DNHD1: variants seen among roughly 807,000 people sequenced by gnomAD.
DNHD1 encodes the protein dynein heavy chain domain 1, also known as dynein heavy chain domain-containing protein 1.
Under a neutral mutation model 458.1 loss-of-function variants are expected in DNHD1, and 383 were observed. The observed-to-expected ratio is 0.84, with a 90% CI of 0.77 to 0.91. The LOEUF (loss-of-function observed/expected upper bound fraction) is 0.91. DNHD1 is among the 40% of genes least tolerant of loss of function. The pLI is 0.00. For synonymous variants in DNHD1, 2,203 were observed against 2,376.9 expected (o/e 0.93, Z 2.13); for missense variants, 5,336 against 5,866.1 (o/e 0.91, Z 2.95).
intron 30 of DNHD1, 59 bp from the exon 31 acceptor site, chr11:6,563,634 T>C: frequency 6.5e-7 from 1 of 1,545,738 alleles, no homozygotes; most frequent in Non-Finnish European, 8.7e-7. Context: ...GGCTAAACTG[T>C]TGGGTCAAGG....
rs753163777 is a variant in DNHD1 at position 6,571,052 on chromosome 11, C to T, written c.13540C>T (p.Pro4514Ser). 7 of 1,577,294 alleles carry T rather than the reference C, an allele frequency of 4.4e-6. No homozygotes were observed. In the South Asian group the frequency reaches 4.6e-5, roughly 10 times the overall value. ...CCTGTTGCAGCAGCTGAAGGGCGCA[C>T]CCCCGTGCCCCTCCCGCCGCTGTGC... ...DCLLQQLKGA[P>S]PCPSRRCAAV... Residue 4514 changes from proline (P) to serine (S), a missense_variant, in exon 42 of 43, where the codon CCC becomes TCC. Coordinates refer to ENST00000254579, the MANE Select transcript of DNHD1 (RefSeq NM_144666.3). This position sits in a 1 kb window ranked among gnomAD's most constrained non-coding sequence, Gnocchi z 5.0.
In DNHD1 at chr11:6,568,753, G is replaced by C; in HGVS notation, c.12750G>C (p.Gln4250His). 1 of 1,613,556 alleles carries C rather than the reference G, an allele frequency of 6.2e-7. No individual in the cohort carries two copies. The highest frequency in any genetic ancestry group is 1.1e-5 in the South Asian group (1 of 90,964). Residue 4250 changes from glutamine (Q) to histidine (H), a missense_variant, in exon 39 of 43, where the codon CAG becomes CAC. By Grantham distance (24) the Gln-to-His change is conservative. This residue lies in a region of DNHD1 where 698 missense variants were observed against 664.9 expected (regional missense o/e 1.05). Transcript: ENST00000254579. ...TGATTGACAGTGTGGAGCTAGCCCAGCAAGTACTCTACATGCAACCCCCCA... is the reference window on the plus strand; with the variant it reads ...TGATTGACAGTGTGGAGCTAGCCCACCAAGTACTCTACATGCAACCCCCCA... ...HVLIDSVELA[Q>H]QVLYMQPPTQ... is the part of the protein sequence containing the mutation.
chr11:6,544,376 GT>G (rs1853161895), intron 19 of DNHD1, 130 bp downstream of exon 19: 2 of 1,178,658 alleles, frequency 1.7e-6, no homozygotes. Flanking sequence ...CTTCAGGGCT[GT>G]TTCTTGGGAT....
In DNHD1 at chr11:6,564,681, A is replaced by T. The variant is rs1023373587; in HGVS notation, c.10633A>T (p.Thr3545Ser). Residue 3545 changes from threonine (T) to serine (S), a missense_variant, in exon 32 of 43, where the codon ACA (threonine) becomes TCA (serine). Around this residue, in one of 4 missense-constraint regions of DNHD1, gnomAD observed 3,932 missense variants for 4,365.6 expected, o/e 0.90. Transcript: ENST00000254579. ...HLAGLLLRSP[T>S]HYSSCRWPLL... Reference sequence around the variant, plus strand: ...GGCAGGCTTGCTTCTGCGAAGCCCCACACACTACAGTAGTTGCCGTTGGCC... The same window carrying T: ...GGCAGGCTTGCTTCTGCGAAGCCCCTCACACTACAGTAGTTGCCGTTGGCC... 6.4e-7 allele frequency: 1 copy of T among 1,551,672 alleles called. No homozygotes were observed.
chr11:6,539,346 G>T (rs763059778), intron 17 of DNHD1, 33 bp downstream of exon 17: 94 of 1,481,104 alleles, frequency 6.3e-5, no homozygotes, highest in Non-Finnish European at 8.2e-5. Flanking sequence ...GAGGGAGGTG[G>T]TCCAAAGCCA....
In DNHD1 at chr11:6,568,491, A is replaced by G; in HGVS notation, c.12576A>G (p.Gln4192=). ...TGGAATCAGAACAGCTTTTAGACCAACCTGAAAGCAGGAATGTAAGCACTG... is the reference window on the plus strand; with the variant it reads ...TGGAATCAGAACAGCTTTTAGACCAGCCTGAAAGCAGGAATGTAAGCACTG... ...ADLESEQLLD[Q]PESRNVSTVH... The change falls in exon 38 of 43, where the codon CAA becomes CAG. Residue 4192 remains glutamine, a synonymous_variant. Coordinates refer to ENST00000254579, the MANE Select transcript of DNHD1 (RefSeq NM_144666.3). 6.2e-7 allele frequency: 1 copy of G among 1,613,794 alleles called. No individual in the cohort carries two copies. The highest frequency in any genetic ancestry group is 8.5e-7 in the Non-Finnish European group (1 of 1,179,854).
In DNHD1 at chr11:6,509,901, A is replaced by G. The variant is rs533569833; in HGVS notation, c.1235+629A>G. On this transcript the variant is annotated intron_variant, in intron 6 of 42. Coordinates refer to ENST00000254579, the MANE Select transcript of DNHD1 (RefSeq NM_144666.3). Reference sequence around the variant, plus strand: ...GACATTAGGGAGCATGGGAACTGCAATCTGGAGACTGCATCTAAAGAGGAT... The same window carrying G: ...GACATTAGGGAGCATGGGAACTGCAGTCTGGAGACTGCATCTAAAGAGGAT... 2.0e-5 allele frequency among the ~76,000 whole-genome samples: 3 copies of G among 152,298 alleles called. No individual in the cohort carries two copies. The South Asian group carries it at 6.2e-4, about 32-fold the overall frequency.
chr11:6,545,133 T>C lies in DNHD1; in HGVS notation c.4194T>C (p.Ser1398=), dbSNP rs772593778. The C allele has an allele frequency of 6.4e-7, 1 of 1,552,184 alleles. No individual in the cohort carries two copies. Among genetic ancestry groups the C allele is most frequent in the South Asian group, 1.2e-5 (1 of 84,064 alleles). ...FPHVHAVSFR[S]CPTGEKNTDD... ...ATGTGCATGCTGTGAGCTTCAGGTC[T>C]TGCCCAACTGGTGAGAAAAACACAG... The change falls in exon 21 of 43, where the codon TCT becomes TCC. Residue 1398 remains serine, a synonymous_variant. Coordinates refer to ENST00000254579, the MANE Select transcript of DNHD1 (RefSeq NM_144666.3). The surrounding 1 kb of genome is among the most constrained non-coding windows in gnomAD (Gnocchi z 4.9).
intron 7 of DNHD1, among the ~76,000 whole-genome samples, chr11:6,517,793 T>C (rs1408177028): frequency 7.3e-5 from 11 of 151,082 alleles, no homozygotes. Flanking sequence ...TTTCAAAATA[T>C]GAATTTTGGA....
rs1352194777 is a variant in DNHD1, at chr11:6,538,556, A to G, written c.3126+46A>G. 6.4e-6 allele frequency: 10 copies of G among 1,551,372 alleles called. 1 individual carries two copies. The South Asian group carries it at 1.2e-4, about 18-fold the overall frequency. ...AGCTCTTGACTGGGAGTGGAGGACT[A>G]CAGTGGTGGGGGAGGGGAAGAGTCT... is the stretch of plus-strand genomic sequence containing the variant. On this transcript the variant is annotated intron_variant, in intron 15 of 42. Coordinates refer to ENST00000254579, the MANE Select transcript of DNHD1 (RefSeq NM_144666.3).
chr11:6,569,166 G>C (rs958328710), intron 39 of DNHD1, among the ~76,000 whole-genome samples: 2 of 152,144 alleles, frequency 1.3e-5, no homozygotes, highest in Admixed American at 6.5e-5. Flanking sequence ...GAGAAGTAAG[G>C]TTCATTATAA....
chr11:6,528,996 A>G lies in DNHD1; in HGVS notation c.2222A>G (p.Lys741Arg), dbSNP rs1852772587. 4 of 1,551,616 alleles carry G rather than the reference A, an allele frequency of 2.6e-6. No individual in the cohort carries two copies. Among genetic ancestry groups the G allele is most frequent in the African/African-American group, 1.4e-5 (1 of 73,170 alleles). The stretch of plus-strand genomic sequence containing the variant: ...GAAGACATGAGAGGTGGTCCCATCA[A>G]GAACTACGTGACGCTGGTGAGCCGC... Reference protein sequence around the residue: ...KLEDMRGGPIKNYVTLVSRLN... With the variant: ...KLEDMRGGPIRNYVTLVSRLN... Residue 741 changes from lysine to arginine, a missense_variant, in exon 12 of 43, where the codon AAG becomes AGG. By Grantham distance (26) the Lys-to-Arg change is conservative. Coordinates refer to ENST00000254579, the MANE Select transcript of DNHD1 (RefSeq NM_144666.3).
At chr11:6,540,112 A>G (rs1394412530) in intron 18 of DNHD1, 29 bp downstream of exon 18, 1 of 1,542,618 alleles carries the variant, frequency 6.5e-7, no homozygotes, top group East Asian at 2.5e-5. Context: ...GACCTAGTGA[A>G]AGCCCCCTGC....
chr11:6,559,606 C>T (rs1401320972), intron 28 of DNHD1, among the ~76,000 whole-genome samples: 1 of 152,230 alleles, frequency 6.6e-6, no homozygotes, highest in Non-Finnish European at 1.5e-5. Context: ...GCAGGCATTA[C>T]ATCTCAGTCA....
intron 24 of DNHD1, among the ~76,000 whole-genome samples, chr11:6,554,316 T>C (rs759873963): frequency 1.3e-5 from 2 of 152,066 alleles, no homozygotes; most frequent in Non-Finnish European, 2.9e-5. Context: ...CCTCAAAATC[T>C]AGATAAAAAT....
rs750066540 is a variant in DNHD1, at chr11:6,568,439, C to T, written c.12539-15C>T. The T allele has an allele frequency of 6.2e-7, 1 of 1,612,742 alleles. No individual in the cohort carries two copies. The highest frequency in any genetic ancestry group is 8.5e-7 in the Non-Finnish European group (1 of 1,179,892). ...TTTATCCAAGGACTGATCTCAGACCCTTGTCTGACTCTAGTGGTTGCAGAC... is the reference window on the plus strand; with the variant it reads ...TTTATCCAAGGACTGATCTCAGACCTTTGTCTGACTCTAGTGGTTGCAGAC... On this transcript the variant is annotated splice_polypyrimidine_tract_variant and intron_variant, in intron 37 of 42. Coordinates refer to ENST00000254579, the MANE Select transcript of DNHD1 (RefSeq NM_144666.3).
intron 16 of DNHD1, 101 bp downstream of exon 16, chr11:6,538,911 A>C (rs11040914): frequency 0.88 from 1,079,162 of 1,223,148 alleles, 477,435 homozygotes; most frequent in Admixed American, 0.91. Context: ...AACACCTTTC[A>C]TCCCCAAGTT....
chr11:6,500,783 T>C (rs567935391), intron 3 of DNHD1, among the ~76,000 whole-genome samples: 92 of 152,362 alleles, frequency 6.0e-4, no homozygotes, highest in Non-Finnish European at 8.8e-4. Flanking sequence ...ATCTGCAAGA[T>C]GCTAGGGATA....
At position 6,544,131 on chromosome 11, in the gene DNHD1, C is replaced by G; in HGVS notation, c.3639C>G (p.Asn1213Lys). 1 of 1,551,634 alleles carries G rather than the reference C, an allele frequency of 6.4e-7. No homozygotes were observed. The highest frequency in any genetic ancestry group is 8.7e-7 in the Non-Finnish European group (1 of 1,146,968). Residue 1213 changes from asparagine to lysine, a missense_variant, in exon 19 of 43, where the codon AAC (asparagine) becomes AAG (lysine). By Grantham distance (94) the Asn-to-Lys change is moderately conservative (BLOSUM62 0). Around this residue, in one of 4 missense-constraint regions of DNHD1, gnomAD observed 3,932 missense variants for 4,365.6 expected, o/e 0.90. Transcript: ENST00000254579. Reference sequence around the variant, plus strand: ...CTTTTTCTGTCTTAGATTACAGCAACCTGCAGGATTCCATCCAGGAAAGTC... The same window carrying G: ...CTTTTTCTGTCTTAGATTACAGCAAGCTGCAGGATTCCATCCAGGAAAGTC... Reference protein sequence around the residue: ...SGTFILSDYSNLQDSIQESLQ... With the variant: ...SGTFILSDYSKLQDSIQESLQ...
Sources: gnomAD v4.1 joint callset for allele counts (sites outside exome capture counted in the v4.1 genomes callset) on GRCh38, gnomAD v4.1.1 for gene constraint, gnomAD v4.1.1 regional missense constraint, Gnocchi (gnomAD v3.1) non-coding constraint, MANE v1.5 for transcripts, NCBI Gene and HGNC (gene_info 2026-07-23, HGNC 2026-07-21) for gene names.